ZNF804B: variants seen among roughly 807,000 people sequenced by gnomAD.
ZNF804B encodes zinc finger protein 804B.
Under a neutral mutation model 101.4 loss-of-function variants are expected in ZNF804B, and 80 were observed. The observed-to-expected ratio is 0.79, with a 90% CI of 0.66 to 0.95. The LOEUF (loss-of-function observed/expected upper bound fraction) is 0.95. Among genes scored for constraint, ZNF804B ranks in the 40% least tolerant of loss-of-function variants. ZNF804B has a pLI of 0.00. For missense variants in ZNF804B, 1,673 were observed against 1,561.9 expected, an observed-to-expected ratio of 1.07 and a Z score of -1.20; for synonymous variants, 622 against 558.8, an observed-to-expected ratio of 1.11 and a Z score of -1.59.
In ZNF804B at chr7:89,230,066, T is replaced by C. The variant is rs1180804272; in HGVS notation, c.249+11771T>C. 3.3e-5 allele frequency among the ~76,000 whole-genome samples: 5 copies of C among 152,210 alleles called. No homozygotes were observed. The East Asian group carries it at 9.6e-4, about 29-fold the overall frequency. On this transcript the variant is annotated intron_variant, in intron 2 of 3. Coordinates refer to ENST00000333190, the MANE Select transcript of ZNF804B (RefSeq NM_181646.5). ...TAGAAAAAATTATAGTGTTGAATGT[T>C]ATATTGAAAAAAGAAATATCAAAAA...
At chr7:89,061,688 T>A (rs1346491273) in intron 1 of ZNF804B, among the ~76,000 whole-genome samples, 1 of 152,086 alleles carries the variant, frequency 6.6e-6, no homozygotes, top group Non-Finnish European at 1.5e-5. Context: ...ATTTCATAAG[T>A]TTTATAAAAA....
chr7:89,155,278 A>G (rs1025515701), intron 1 of ZNF804B, among the ~76,000 whole-genome samples: 1 of 152,178 alleles, frequency 6.6e-6, no homozygotes, highest in Non-Finnish European at 1.5e-5. Context: ...CCATTTTATC[A>G]TCCAACAAGA....
chr7:89,074,669 A>G (rs1305543910), intron 1 of ZNF804B, among the ~76,000 whole-genome samples: 4 of 152,158 alleles, frequency 2.6e-5, no homozygotes, highest in African/African-American at 9.7e-5. Flanking sequence ...GTACCAGTAG[A>G]GTGGGGTGCT....
chr7:88,768,738 T>C (rs916210006), intron 1 of ZNF804B, among the ~76,000 whole-genome samples: 7 of 152,198 alleles, frequency 4.6e-5, no homozygotes, highest in South Asian at 2.1e-4. Flanking sequence ...CAAACAAAAC[T>C]TACAAATACT....
At chr7:88,970,831 G>C (rs1207436431) in intron 1 of ZNF804B, among the ~76,000 whole-genome samples, 1 of 116,622 alleles carries the variant, frequency 8.6e-6, no homozygotes, top group Non-Finnish European at 1.7e-5. Flanking sequence ...GGTGGGGGGA[G>C]GGGGGAGGGA....
intron 1 of ZNF804B, among the ~76,000 whole-genome samples, chr7:89,129,253 A>G (rs534502000): frequency 4.6e-5 from 7 of 152,160 alleles, no homozygotes; most frequent in Middle Eastern, 6.8e-3. Context: ...CAATACATTA[A>G]AACATTTAAG....
intron 3 of ZNF804B, among the ~76,000 whole-genome samples, chr7:89,331,292 A>G (rs1398190162): frequency 6.6e-6 from 1 of 151,748 alleles, no homozygotes; most frequent in East Asian, 1.9e-4. Flanking sequence ...TTCTATCTGC[A>G]GGCTGGAGGC....
intron 1 of ZNF804B, among the ~76,000 whole-genome samples, chr7:89,122,544 T>TG (rs1279738911): frequency 2.0e-5 from 3 of 152,210 alleles, no homozygotes; most frequent in Admixed American, 6.5e-5. Flanking sequence ...TTCCTTTCAA[T>TG]GGGGGCCATC....
intron 2 of ZNF804B, among the ~76,000 whole-genome samples, chr7:89,220,979 A>G (rs1308217801): frequency 6.6e-6 from 1 of 151,900 alleles, no homozygotes; most frequent in Non-Finnish European, 1.5e-5. Flanking sequence ...AAATTCAGAC[A>G]TATTTTTTTC....
At chr7:89,096,510 G>A (rs1203578064) in intron 1 of ZNF804B, among the ~76,000 whole-genome samples, 4 of 152,036 alleles carry the variant, frequency 2.6e-5, no homozygotes, top group South Asian at 2.1e-4. Context: ...GGTTGCTTTC[G>A]ACTCAAAAGT....
At chr7:89,290,713 A>G (rs1790275985) in intron 2 of ZNF804B, among the ~76,000 whole-genome samples, 1 of 152,136 alleles carries the variant, frequency 6.6e-6, no homozygotes, top group African/African-American at 2.4e-5. Flanking sequence ...CCACGGTACA[A>G]CAGAACACTA....
At chr7:89,020,075 T>TGCA (rs1463730635) in intron 1 of ZNF804B, among the ~76,000 whole-genome samples, 2 of 152,144 alleles carry the variant, frequency 1.3e-5, no homozygotes, top group Non-Finnish European at 2.9e-5. Context: ...GTTGTGACAA[T>TGCA]GCAGCCACCC....
At chr7:88,961,250 A>G (rs1793381826) in intron 1 of ZNF804B, among the ~76,000 whole-genome samples, 1 of 151,406 alleles carries the variant, frequency 6.6e-6, no homozygotes, top group Admixed American at 6.6e-5. Context: ...TTATCCATGT[A>G]TTTTTAAATT....
chr7:89,317,697 G>A (rs1790753418), intron 2 of ZNF804B, among the ~76,000 whole-genome samples: 1 of 152,148 alleles, frequency 6.6e-6, no homozygotes, highest in African/African-American at 2.4e-5. Context: ...CTGAAGAGGT[G>A]GCAGGAAAGT....
chr7:88,898,497 A>T (rs1393350349), intron 1 of ZNF804B, among the ~76,000 whole-genome samples: 1 of 151,526 alleles, frequency 6.6e-6, no homozygotes, highest in Admixed American at 6.6e-5. Flanking sequence ...CTGCACACAC[A>T]TGCTAGAAAT....
chr7:89,168,762 C>T (rs980379168), intron 1 of ZNF804B, among the ~76,000 whole-genome samples: 6 of 134,710 alleles, frequency 4.5e-5, no homozygotes, highest in African/African-American at 1.7e-4. Flanking sequence ...TTGCATAAAA[C>T]ATATCCTTAT....
chr7:88,776,566 T>TG (rs1439758151), intron 1 of ZNF804B, among the ~76,000 whole-genome samples: 37 of 142,390 alleles, frequency 2.6e-4, no homozygotes, highest in East Asian at 1.4e-3. Context: ...TTTTGTTTTT[T>TG]TTTTTTTTTT....
At chr7:89,122,773 T>C (rs1336293511) in intron 1 of ZNF804B, among the ~76,000 whole-genome samples, 1 of 152,192 alleles carries the variant, frequency 6.6e-6, no homozygotes, top group Non-Finnish European at 1.5e-5. Context: ...CAATTCACCA[T>C]GAATCGAAGC....
chr7:88,997,146 G>A (rs1189165040), intron 1 of ZNF804B, among the ~76,000 whole-genome samples: 1 of 152,042 alleles, frequency 6.6e-6, no homozygotes, highest in Non-Finnish European at 1.5e-5. Context: ...GAATAAAGTG[G>A]TGGTTTCACC....
Sources: gnomAD v4.1 joint callset for allele counts (sites outside exome capture counted in the v4.1 genomes callset) on GRCh38, gnomAD v4.1.1 for gene constraint, MANE v1.5 for transcripts, NCBI Gene and HGNC (gene_info 2026-07-23, HGNC 2026-07-21) for gene names.